The following LRFN5 variants were observed in gnomAD, a reference collection of about 807,000 sequenced individuals.
The protein encoded by LRFN5 is leucine-rich repeat and fibronectin type-III domain-containing protein 5.
A neutral mutation model predicts 45.6 loss-of-function variants in LRFN5; 24 were observed. The observed-to-expected ratio is 0.53, with a 90% CI of 0.38 to 0.74. The LOEUF (loss-of-function observed/expected upper bound fraction) is 0.74. Among genes scored for constraint, LRFN5 ranks in the 30% least tolerant of loss-of-function variants. The pLI, the probability that LRFN5 is intolerant of heterozygous loss-of-function variation, is 0.00. For missense variants in LRFN5, 776 were observed against 861.5 expected (o/e 0.90, Z 1.24); for synonymous variants, 340 against 313.8 (o/e 1.08, Z -0.88).
intron 4 of LRFN5, chr14:41,894,516 C>G (rs1594504460): frequency 1.0e-6 from 1 of 965,366 alleles, no homozygotes; most frequent in Non-Finnish European, 1.2e-6. Context: ...AGATTTTGCC[C>G]TTCAAAAAGT....
chr14:41,721,441 A>C (rs191237421), intron 1 of LRFN5, among the ~76,000 whole-genome samples: 19 of 152,210 alleles, frequency 1.2e-4, no homozygotes, highest in Admixed American at 3.9e-4. Flanking sequence ...TGTAGTTTCT[A>C]TTGTGTCGTT....
chr14:41,888,636 C>T (rs985936700), intron 3 of LRFN5, among the ~76,000 whole-genome samples: 1 of 151,692 alleles, frequency 6.6e-6, no homozygotes, highest in African/African-American at 2.4e-5. Flanking sequence ...GGTATGTGTG[C>T]GTGTGTCTGT....
chr14:41,780,236 A>G (rs1886433988), intron 2 of LRFN5, among the ~76,000 whole-genome samples: 1 of 151,930 alleles, frequency 6.6e-6, no homozygotes, highest in Non-Finnish European at 1.5e-5. Context: ...TTTTCAAGCT[A>G]TCTTTCTGTT....
chr14:41,904,399 C>G lies in LRFN5; in HGVS notation c.*224C>G, dbSNP rs112965685. 2.6e-5 allele frequency: 12 copies of G among 455,394 alleles called. No homozygotes were observed. Among genetic ancestry groups the G allele is most frequent in the African/African-American group, 2.2e-4 (11 of 49,246 alleles). 28.2% of individuals were successfully genotyped at this position (455,394 alleles called of 1,614,324 possible). A position where few individuals can be genotyped will look rare whatever the true frequency, so the allele number is the denominator to read the frequency against. On this transcript the variant is annotated 3_prime_UTR_variant, in exon 6 of 6. Transcript: ENST00000298119. The stretch of plus-strand genomic sequence containing the variant: ...CCAAATTTTTTTTTCTTCTGGCCTA[C>G]AAGTATTTTTTTTTTAAAAAAGAAA...
chr14:41,893,019 ATTATAT>A (rs1890834164), intron 4 of LRFN5: 9 of 984,124 alleles, frequency 9.1e-6, no homozygotes, highest in Non-Finnish European at 8.4e-6. Context: ...TGGTGTTCTC[ATTATAT>A]TTATAAGTCA....
At chr14:41,650,266 C>CACACAAA (rs1247683262) in intron 1 of LRFN5, among the ~76,000 whole-genome samples, 1 of 135,456 alleles carries the variant, frequency 7.4e-6, no homozygotes, top group African/African-American at 2.8e-5. Context: ...CACACACACA[C>CACACAAA]AAAAAAAAAA....
intron 5 of LRFN5, among the ~76,000 whole-genome samples, chr14:41,901,120 TA>T (rs1282120691): frequency 6.6e-6 from 1 of 151,950 alleles, no homozygotes; most frequent in Non-Finnish European, 1.5e-5. Context: ...TAATATCTAA[TA>T]TATAATACAA....
At chr14:41,635,676 G>A (rs1182508227) in intron 1 of LRFN5, among the ~76,000 whole-genome samples, 1 of 152,060 alleles carries the variant, frequency 6.6e-6, no homozygotes, top group African/African-American at 2.4e-5. Flanking sequence ...TGAAAATAAG[G>A]GCAGGTATTT....
chr14:41,851,353 A>G (rs1375058787), intron 2 of LRFN5, among the ~76,000 whole-genome samples: 3 of 150,540 alleles, frequency 2.0e-5, no homozygotes, highest in African/African-American at 7.3e-5. Flanking sequence ...TTTGAATATT[A>G]TTATTAGAGT....
chr14:41,623,866 G>A (rs1423167383), intron 1 of LRFN5, among the ~76,000 whole-genome samples: 1 of 152,050 alleles, frequency 6.6e-6, no homozygotes, highest in Non-Finnish European at 1.5e-5. Flanking sequence ...TTTGGTCAGA[G>A]TACTCTAAAA....
intron 1 of LRFN5, among the ~76,000 whole-genome samples, chr14:41,707,612 T>C (rs767889989): frequency 6.6e-6 from 1 of 152,168 alleles, no homozygotes. Context: ...AATATACTTC[T>C]GGACTTTCTC....
At chr14:41,694,257 C>T (rs767892246) in intron 1 of LRFN5, among the ~76,000 whole-genome samples, 3 of 151,932 alleles carry the variant, frequency 2.0e-5, no homozygotes, top group Non-Finnish European at 4.4e-5. Context: ...AATGTACTCA[C>T]ACTGCTGTGC....
At chr14:41,872,181 C>T (rs188547555) in intron 2 of LRFN5, among the ~76,000 whole-genome samples, 10 of 152,194 alleles carry the variant, frequency 6.6e-5, no homozygotes, top group African/African-American at 2.4e-4. Context: ...TTACAGCTTA[C>T]AGCTATACCT....
intron 1 of LRFN5, among the ~76,000 whole-genome samples, chr14:41,737,251 C>G (rs1049358173): frequency 6.6e-6 from 1 of 152,124 alleles, no homozygotes; most frequent in Admixed American, 6.6e-5. Context: ...TGGCAAAAAA[C>G]ACATGATTAT....
At chr14:41,627,976 A>G (rs990569979) in intron 1 of LRFN5, among the ~76,000 whole-genome samples, 3 of 152,200 alleles carry the variant, frequency 2.0e-5, no homozygotes, top group South Asian at 4.1e-4. Flanking sequence ...TATTGCAGCT[A>G]GGAAAATTAG....
intron 1 of LRFN5, among the ~76,000 whole-genome samples, chr14:41,651,004 C>A (rs1880099700): frequency 6.6e-6 from 1 of 151,778 alleles, no homozygotes; most frequent in Non-Finnish European, 1.5e-5. Context: ...GATGCTGAGT[C>A]TATAAATTCA....
chr14:41,626,357 A>G (rs1888332372), intron 1 of LRFN5, among the ~76,000 whole-genome samples: 1 of 152,128 alleles, frequency 6.6e-6, no homozygotes, highest in Non-Finnish European at 1.5e-5. Context: ...AAATTTAGCA[A>G]TCAAGCTTAT....
intron 5 of LRFN5, among the ~76,000 whole-genome samples, chr14:41,903,626 G>A (rs1047302103): frequency 7.2e-5 from 11 of 151,744 alleles, no homozygotes; most frequent in African/African-American, 2.6e-4. Context: ...ATGCCTGTAA[G>A]AGTTATTGTA....
rs565296727 is a variant in LRFN5 at position 41,735,652 on chromosome 14, A to T, written c.-196-31202A>T. 4.0e-3 allele frequency among the ~76,000 whole-genome samples: 614 copies of T among 152,206 alleles called. 1 individual carries two copies. The highest frequency in any genetic ancestry group is 6.8e-3 in the Middle Eastern group (2 of 294). ...TTAAATTCTGGGATACATATGCAGA[A>T]GATGCAGGTTTGTTATATAGGAATA... On this transcript the variant is annotated intron_variant, in intron 1 of 5. Coordinates refer to ENST00000298119, the MANE Select transcript of LRFN5 (RefSeq NM_152447.5).
Sources: gnomAD v4.1 joint callset for allele counts (sites outside exome capture counted in the v4.1 genomes callset) on GRCh38, gnomAD v4.1.1 for gene constraint, MANE v1.5 for transcripts, NCBI Gene and HGNC (gene_info 2026-07-23, HGNC 2026-07-21) for gene names.